The following BANK1 variants were observed in gnomAD, a reference collection of about 807,000 sequenced individuals.
The protein encoded by BANK1 is B-cell scaffold protein with ankyrin repeats.
Under a neutral mutation model 94.5 loss-of-function variants are expected in BANK1, and 95 were observed. The observed-to-expected ratio is 1.00, with a 90% confidence interval of 0.85 to 1.19. The LOEUF (loss-of-function observed/expected upper bound fraction) is 1.19. Among genes scored for constraint, BANK1 ranks in the 50% most tolerant of loss-of-function variants. The probability of loss-of-function intolerance (pLI) is 0.00; values close to 1 mark genes in which losing one functional copy is unlikely to be tolerated. For synonymous variants in BANK1, 334 were observed against 308.4 expected (o/e 1.08, Z -0.87); for missense variants, 987 against 932.2 (o/e 1.06, Z -0.77).
chr4:101,869,219 T>G (rs1291782113), intron 4 of BANK1, among the ~76,000 whole-genome samples: 1 of 151,940 alleles, frequency 6.6e-6, no homozygotes, highest in East Asian at 1.9e-4. Flanking sequence ...TTCAAAATAA[T>G]TTTTATGACT....
At chr4:101,980,421 A>G (rs1224708585) in intron 7 of BANK1, among the ~76,000 whole-genome samples, 1 of 151,578 alleles carries the variant, frequency 6.6e-6, no homozygotes, top group Non-Finnish European at 1.5e-5. Flanking sequence ...ATAAAATGCC[A>G]TATATATTTG....
At chr4:101,851,380 A>G (rs1338457846) in intron 2 of BANK1, among the ~76,000 whole-genome samples, 1 of 152,192 alleles carries the variant, frequency 6.6e-6, no homozygotes, top group East Asian at 1.9e-4. Flanking sequence ...GCGTGGATTT[A>G]TTTGATTATT....
intron 13 of BANK1, among the ~76,000 whole-genome samples, chr4:102,068,347 A>G (rs999957750): frequency 6.6e-6 from 1 of 152,170 alleles, no homozygotes; most frequent in Non-Finnish European, 1.5e-5. Context: ...AGAAATCAGT[A>G]AAAAAGGAAA....
At chr4:102,062,513 CT>C (rs1380144640) in intron 12 of BANK1, 2 of 152,142 alleles carry the variant, frequency 1.3e-5, no homozygotes, top group African/African-American at 4.8e-5. Flanking sequence ...TTACATTTTG[CT>C]TAAAAAGATA....
At chr4:101,804,083 A>C (rs887736295) in intron 1 of BANK1, among the ~76,000 whole-genome samples, 10 of 151,608 alleles carry the variant, frequency 6.6e-5, no homozygotes, top group African/African-American at 2.4e-4. Context: ...AATTATGTCG[A>C]TACTAGTCTG....
chr4:101,969,585 C>A (rs1396560616), intron 7 of BANK1, among the ~76,000 whole-genome samples: 1 of 151,556 alleles, frequency 6.6e-6, no homozygotes, highest in Admixed American at 6.6e-5. Flanking sequence ...CTAAAAGTTT[C>A]TTTGTAAAAA....
intron 5 of BANK1, among the ~76,000 whole-genome samples, chr4:101,881,642 A>G (rs1214092459): frequency 6.6e-6 from 1 of 152,182 alleles, no homozygotes; most frequent in Non-Finnish European, 1.5e-5. Flanking sequence ...ACTGTTCAAA[A>G]TAGCCAAAAT....
At chr4:102,026,436 C>T (rs1246290952) in intron 9 of BANK1, among the ~76,000 whole-genome samples, 3 of 151,738 alleles carry the variant, frequency 2.0e-5, no homozygotes, top group African/African-American at 7.3e-5. Flanking sequence ...TAGAAGGCTA[C>T]AAACCCCATT....
rs1214751467 is a variant in BANK1 at position 102,035,939 on chromosome 4, A to G, written c.1900+5674A>G. 1.3e-5 allele frequency among the ~76,000 whole-genome samples: 2 copies of G among 152,218 alleles called. 1 individual carries two copies. The highest frequency in any genetic ancestry group is 4.8e-5 in the African/African-American group (2 of 41,456). On this transcript the variant is annotated intron_variant, in intron 10 of 16. Transcript: ENST00000322953. ...TTAGTGACAGAATTCTTGATTTAAG[A>G]CAAATCAGGGAAAGAAAATGAGCAC... is the stretch of plus-strand genomic sequence containing the variant.
At chr4:101,881,511 T>C (rs980153428) in intron 5 of BANK1, among the ~76,000 whole-genome samples, 1 of 152,110 alleles carries the variant, frequency 6.6e-6, no homozygotes, top group Non-Finnish European at 1.5e-5. Context: ...GTTTGGAGGT[T>C]CCTGAAGAAA....
intron 7 of BANK1, among the ~76,000 whole-genome samples, chr4:102,006,988 G>C (rs1726281070): frequency 7.0e-6 from 1 of 142,562 alleles, no homozygotes; most frequent in South Asian, 2.2e-4. Context: ...AAAAAAGAAA[G>C]GAAGCATTGA....
intron 7 of BANK1, among the ~76,000 whole-genome samples, chr4:101,932,367 A>C (rs1723383092): frequency 6.6e-6 from 1 of 151,730 alleles, no homozygotes; most frequent in Non-Finnish European, 1.5e-5. Context: ...GTGTATGTAC[A>C]TAAAATTTCT....
chr4:101,935,803 T>A (rs1050159892), intron 7 of BANK1, among the ~76,000 whole-genome samples: 3 of 151,472 alleles, frequency 2.0e-5, no homozygotes, highest in Non-Finnish European at 4.4e-5. Flanking sequence ...GCTAAGAATA[T>A]ACCTTGGAGA....
chr4:101,959,390 G>A (rs758335885), intron 7 of BANK1, among the ~76,000 whole-genome samples: 2 of 151,978 alleles, frequency 1.3e-5, no homozygotes, highest in Admixed American at 6.6e-5. Flanking sequence ...TGCCCTCCTC[G>A]GCCTCCCAAA....
At chr4:101,898,541 GTCTC>G (rs957139875) in intron 6 of BANK1, among the ~76,000 whole-genome samples, 1 of 151,936 alleles carries the variant, frequency 6.6e-6, no homozygotes, top group Non-Finnish European at 1.5e-5. Flanking sequence ...GAGAAATTGA[GTCTC>G]TCTCAGAGAA....
At chr4:102,028,571 A>G (rs1314557543) in intron 9 of BANK1, among the ~76,000 whole-genome samples, 2 of 152,142 alleles carry the variant, frequency 1.3e-5, no homozygotes, top group Non-Finnish European at 2.9e-5. Flanking sequence ...AAGTAAACTA[A>G]TTTTAGGAGT....
At position 101,870,502 on chromosome 4, in the gene BANK1, A is replaced by G. The variant is rs1387777083; in HGVS notation, c.764-3A>G. The G allele has an allele frequency of 6.2e-7, 1 of 1,609,290 alleles. No homozygotes were observed. The highest frequency in any genetic ancestry group is 8.5e-7 in the Non-Finnish European group (1 of 1,177,972). ...CCCCTAACCCTTGTTTGTTTTTCAT[A>G]AGAGTTTCCTGCTGGTTCAGTCCAT... On this transcript the variant is annotated splice_region_variant and splice_polypyrimidine_tract_variant and intron_variant, in intron 4 of 16. Coordinates refer to ENST00000322953, the MANE Select transcript of BANK1 (RefSeq NM_017935.5).
intron 7 of BANK1, among the ~76,000 whole-genome samples, chr4:101,969,400 T>A (rs548360505): frequency 5.9e-5 from 9 of 152,212 alleles, no homozygotes; most frequent in African/African-American, 2.2e-4. Flanking sequence ...GTTTGCATAA[T>A]GAGAAACACT....
rs549513536 is a variant in BANK1 at position 101,892,692 on chromosome 4, T to C, written c.904-2613T>C. Among the ~76,000 whole-genome samples, 274 of 152,140 alleles carry C rather than the reference T, an allele frequency of 1.8e-3. 2 individuals carry two copies. The highest frequency in any genetic ancestry group is 3.3e-3 in the Non-Finnish European group (222 of 67,866). On this transcript the variant is annotated intron_variant, in intron 5 of 16. Coordinates refer to ENST00000322953, the MANE Select transcript of BANK1 (RefSeq NM_017935.5). ...ATTTTTTGATGAGCAAACTTTATACTATTTTATTTCAATCTTTCTTTTTGA... is the reference window on the plus strand; with the variant it reads ...ATTTTTTGATGAGCAAACTTTATACCATTTTATTTCAATCTTTCTTTTTGA...
Sources: gnomAD v4.1 joint callset for allele counts (sites outside exome capture counted in the v4.1 genomes callset) on GRCh38, gnomAD v4.1.1 for gene constraint, MANE v1.5 for transcripts, NCBI Gene and HGNC (gene_info 2026-07-23, HGNC 2026-07-21) for gene names.